Variants in DOCK4 observed in about 807,000 individuals in gnomAD.
The protein encoded by DOCK4 is dedicator of cytokinesis protein 4.
A neutral mutation model predicts 268.1 loss-of-function variants in DOCK4; 97 were observed. The ratio of observed to expected loss-of-function variants is 0.36; its 90% CI spans 0.31 to 0.43. DOCK4 has a LOEUF of 0.43. DOCK4 is among the 20% of genes least tolerant of loss of function. DOCK4 has a pLI of 1.00. For missense variants in DOCK4, 2,145 were observed against 2,455.7 expected (o/e 0.87, Z 2.67); for synonymous variants, 954 against 887.2 (o/e 1.08, Z -1.34).
intron 37 of DOCK4, among the ~76,000 whole-genome samples, chr7:111,767,500 C>T (rs954353968): frequency 6.6e-6 from 1 of 152,086 alleles, no homozygotes; most frequent in African/African-American, 2.4e-5. Context: ...GCTGGGGTTA[C>T]AGGCATGAGC....
intron 1 of DOCK4, among the ~76,000 whole-genome samples, chr7:112,185,040 A>G (rs1819381832): frequency 6.6e-6 from 1 of 152,208 alleles, no homozygotes; most frequent in African/African-American, 2.4e-5. Flanking sequence ...AAAGCTTAGG[A>G]CCCTTCCCAC....
chr7:111,925,350 T>C (rs1182804410), intron 12 of DOCK4, among the ~76,000 whole-genome samples: 3 of 152,074 alleles, frequency 2.0e-5, no homozygotes, highest in African/African-American at 7.2e-5. Flanking sequence ...TAAAATGAGG[T>C]ATTTACACTG....
chr7:111,979,297 G>A (rs541644629), intron 7 of DOCK4, among the ~76,000 whole-genome samples: 4 of 152,256 alleles, frequency 2.6e-5, no homozygotes, highest in African/African-American at 9.6e-5. Flanking sequence ...CAGGTACACT[G>A]GGAATCTCTT....
intron 6 of DOCK4, among the ~76,000 whole-genome samples, chr7:111,984,984 T>TTA (rs1159758885): frequency 2.6e-5 from 4 of 152,190 alleles, no homozygotes; most frequent in Admixed American, 1.3e-4. Context: ...GCAGAATAGT[T>TTA]TAACCCTTTA....
Position 111,976,177 on chromosome 7 carries a change from T to TATATAC in DOCK4, c.701+954_701+955insGTATAT, listed in dbSNP as rs1435347839. 4.9e-4 allele frequency among the ~76,000 whole-genome samples: 44 copies of TATATAC among 89,160 alleles called. 6 individuals are homozygous for TATATAC. Among genetic ancestry groups the TATATAC allele is most frequent in the African/African-American group, 3.0e-3 (42 of 14,164 alleles). 58.5% of individuals were successfully genotyped at this position (89,160 alleles called of 152,430 possible). A position where few individuals can be genotyped will look rare whatever the true frequency, so the allele number is the denominator to read the frequency against. ...AAAAAAAAAAATATATATATATATA[T>TATATAC]ACACACACACACACGCACACACGCA... On this transcript the variant is annotated intron_variant, in intron 8 of 52. Coordinates refer to ENST00000428084, the MANE Select transcript of DOCK4 (RefSeq NM_001363540.2).
chr7:111,865,618 AC>A (rs778340652), intron 22 of DOCK4, among the ~76,000 whole-genome samples: 30 of 152,352 alleles, frequency 2.0e-4, no homozygotes, highest in Middle Eastern at 6.8e-3. Flanking sequence ...ACATAATGTC[AC>A]ATGACAAAAG....
rs1294861784 is a variant in DOCK4 at position 111,822,218 on chromosome 7, A to C, written c.2930+144T>G. The C allele has an allele frequency of 7.9e-6, 5 of 629,674 alleles. No homozygotes were observed. In the East Asian group the frequency reaches 1.1e-4, roughly 14 times the overall value. 39.0% of individuals were successfully genotyped at this position (629,674 alleles called of 1,614,324 possible). A position where few individuals can be genotyped will look rare whatever the true frequency, so the allele number is the denominator to read the frequency against. On this transcript the variant is annotated intron_variant, in intron 27 of 52. Transcript: ENST00000428084. Reference sequence around the variant, plus strand: ...TATATACAAAGGAAATAGTAATTCTAAACAAGTGGTAACATTTTTTTAAAG... The same window carrying C: ...TATATACAAAGGAAATAGTAATTCTCAACAAGTGGTAACATTTTTTTAAAG...
chr7:112,163,856 GGCTAAGCAA>G (rs1817355872), intron 1 of DOCK4, among the ~76,000 whole-genome samples: 1 of 152,070 alleles, frequency 6.6e-6, no homozygotes, highest in Non-Finnish European at 1.5e-5. Flanking sequence ...AACTGCAAGG[GGCTAAGCAA>G]GCACACACAT....
At chr7:111,866,358 C>T (rs962217351) in intron 22 of DOCK4, among the ~76,000 whole-genome samples, 2 of 152,296 alleles carry the variant, frequency 1.3e-5, no homozygotes, top group African/African-American at 4.8e-5. Flanking sequence ...TCAATTATCA[C>T]ATCAAAATAT....
At chr7:111,809,988 C>CAAAA (rs141294490) in intron 28 of DOCK4, among the ~76,000 whole-genome samples, 1 of 126,180 alleles carries the variant, frequency 7.9e-6, no homozygotes, top group African/African-American at 2.7e-5. Context: ...ATAAACTTAG[C>CAAAA]AAAAAAAAAA....
At chr7:111,844,259 G>A (rs559319870) in intron 25 of DOCK4, among the ~76,000 whole-genome samples, 1 of 152,196 alleles carries the variant, frequency 6.6e-6, no homozygotes, top group Non-Finnish European at 1.5e-5. Context: ...CTGGGAGACA[G>A]AGCGAGACTC....
intron 1 of DOCK4, among the ~76,000 whole-genome samples, chr7:112,169,473 A>G (rs1817891912): frequency 1.3e-5 from 2 of 152,240 alleles, no homozygotes; most frequent in African/African-American, 4.8e-5. Flanking sequence ...GATAAAATTG[A>G]GAATTTTGTG....
At chr7:111,899,965 A>T (rs539723008) in intron 15 of DOCK4, among the ~76,000 whole-genome samples, 2 of 152,344 alleles carry the variant, frequency 1.3e-5, no homozygotes, top group South Asian at 4.1e-4. Flanking sequence ...CAATTACTTC[A>T]TGTTACTTCT....
chr7:111,984,264 A>T lies in DOCK4; in HGVS notation c.549+42T>A, dbSNP rs1798865252. On this transcript the variant is annotated intron_variant, in intron 7 of 52. Coordinates refer to ENST00000428084, the MANE Select transcript of DOCK4 (RefSeq NM_001363540.2). Reference sequence around the variant, plus strand: ...TATGAGGAGTGCCATGGAAACCAGAAAATTAGCAGGAAGACTGGAAGCCAA... The same window carrying T: ...TATGAGGAGTGCCATGGAAACCAGATAATTAGCAGGAAGACTGGAAGCCAA... 2.6e-6 allele frequency: 4 copies of T among 1,558,786 alleles called. No homozygotes were observed. In the East Asian group the frequency reaches 9.1e-5, roughly 36 times the overall value.
chr7:111,795,135 C>T (rs1799802626), intron 30 of DOCK4, among the ~76,000 whole-genome samples: 1 of 152,012 alleles, frequency 6.6e-6, no homozygotes, highest in Non-Finnish European at 1.5e-5. Flanking sequence ...ACTCTACTGC[C>T]CCAGCCTCAA....
chr7:112,163,723 C>G (rs1403171764), intron 1 of DOCK4, among the ~76,000 whole-genome samples: 2 of 152,062 alleles, frequency 1.3e-5, no homozygotes, highest in Non-Finnish European at 2.9e-5. Flanking sequence ...AATGAAGAAA[C>G]TAAGGCTTAG....
At chr7:111,733,627 C>T (rs955386382) in intron 51 of DOCK4, among the ~76,000 whole-genome samples, 1 of 152,156 alleles carries the variant, frequency 6.6e-6, no homozygotes, top group South Asian at 2.1e-4. Context: ...GCTGACACCA[C>T]CATGGTGGCC....
intron 13 of DOCK4, among the ~76,000 whole-genome samples, chr7:111,904,032 G>A (rs143257783): frequency 1.9e-3 from 296 of 152,232 alleles, no homozygotes; most frequent in African/African-American, 6.6e-3. Context: ...GTGTTTCTTG[G>A]GAAGGTGCTT....
chr7:112,031,464 A>G (rs904537135), intron 1 of DOCK4, among the ~76,000 whole-genome samples: 42 of 151,120 alleles, frequency 2.8e-4, no homozygotes, highest in African/African-American at 1.0e-3. Flanking sequence ...GTCCTTCCTC[A>G]TATAAGCTTT....
Sources: gnomAD v4.1 joint callset for allele counts (sites outside exome capture counted in the v4.1 genomes callset) on GRCh38, gnomAD v4.1.1 for gene constraint, MANE v1.5 for transcripts, NCBI Gene and HGNC (gene_info 2026-07-23, HGNC 2026-07-21) for gene names.